MAD1L1: variants seen among roughly 807,000 people sequenced by gnomAD.
MAD1L1 encodes mitotic spindle assembly checkpoint protein MAD1.
Under a neutral mutation model 96.9 loss-of-function variants are expected in MAD1L1, and 95 were observed. The ratio of observed to expected loss-of-function variants is 0.98; its 90% CI spans 0.83 to 1.16. MAD1L1 has a LOEUF of 1.16. Among genes scored for constraint, MAD1L1 ranks in the 50% most tolerant of loss-of-function variants. The pLI is 0.00. For missense variants in MAD1L1, 1,007 were observed against 954.4 expected (o/e 1.06, Z -0.73); for synonymous variants, 473 against 396.6 (o/e 1.19, Z -2.29).
intron 10 of MAD1L1, among the ~76,000 whole-genome samples, chr7:2,167,053 C>T (rs1031278585): frequency 3.9e-5 from 6 of 152,174 alleles, no homozygotes; most frequent in South Asian, 2.1e-4. Context: ...CAGGTGAGCT[C>T]GAAACCCTAA....
intron 18 of MAD1L1, among the ~76,000 whole-genome samples, chr7:1,820,275 C>T (rs867860578): frequency 6.6e-6 from 1 of 152,100 alleles, no homozygotes; most frequent in Non-Finnish European, 1.5e-5. Context: ...CAGACGCACC[C>T]AAGGCAGTGC....
At chr7:1,939,150 G>C (rs1247643046) in intron 16 of MAD1L1, among the ~76,000 whole-genome samples, 3 of 125,696 alleles carry the variant, frequency 2.4e-5, no homozygotes, top group Non-Finnish European at 4.8e-5. Context: ...GCCGGGACCA[G>C]AGGCGCACAC....
chr7:1,818,044 A>T (rs2128618613), intron 18 of MAD1L1, among the ~76,000 whole-genome samples: 1 of 152,108 alleles, frequency 6.6e-6, no homozygotes, highest in African/African-American at 2.4e-5. Context: ...AGTTCAACAC[A>T]AACCATTTTT....
chr7:2,131,534 C>T (rs981760657), intron 11 of MAD1L1, among the ~76,000 whole-genome samples: 4 of 152,214 alleles, frequency 2.6e-5, no homozygotes, highest in South Asian at 4.1e-4. Flanking sequence ...TGTTCCCCGA[C>T]GAGCTTGTCA....
At chr7:2,034,713 G>A (rs778410159) in intron 12 of MAD1L1, among the ~76,000 whole-genome samples, 2 of 152,230 alleles carry the variant, frequency 1.3e-5, no homozygotes. Flanking sequence ...GTGGGTGTCC[G>A]TGAGTGCTTA....
At chr7:2,003,962 C>T (rs1781916939) in intron 13 of MAD1L1, among the ~76,000 whole-genome samples, 2 of 152,314 alleles carry the variant, frequency 1.3e-5, no homozygotes, top group South Asian at 4.1e-4. Flanking sequence ...GAGGGACATC[C>T]CCCAAACTGG....
intron 11 of MAD1L1, among the ~76,000 whole-genome samples, chr7:2,122,584 A>G: frequency 6.6e-6 from 1 of 152,060 alleles, no homozygotes; most frequent in East Asian, 1.9e-4. Flanking sequence ...CCTGGGCGAC[A>G]GAGCGAGACT....
At chr7:1,838,658 C>T (rs1353732091) in intron 18 of MAD1L1, 4 of 428,298 alleles carry the variant, frequency 9.3e-6, no homozygotes, top group East Asian at 7.3e-5. Context: ...CAGCGGCTGC[C>T]GACGGCTGGG....
intron 16 of MAD1L1, among the ~76,000 whole-genome samples, chr7:1,954,648 TTC>T (rs1779646257): frequency 6.6e-6 from 1 of 152,120 alleles, no homozygotes; most frequent in Non-Finnish European, 1.5e-5. Context: ...TCCGCCCGAT[TTC>T]TGTCTTCACT....
chr7:2,061,206 G>T (rs935785382), intron 12 of MAD1L1, among the ~76,000 whole-genome samples: 2 of 152,138 alleles, frequency 1.3e-5, no homozygotes, highest in Admixed American at 6.5e-5. Context: ...GCGTGCTGGC[G>T]CGTGCCTGTA....
intron 18 of MAD1L1, chr7:1,845,541 ACG>A (rs1783562305): frequency 2.9e-5 from 2 of 68,962 alleles, no homozygotes; most frequent in African/African-American, 5.4e-5. Flanking sequence ...CCACGCAGAC[ACG>A]CGTCCGGCTC....
rs369529220 is a variant in MAD1L1, at chr7:1,882,476, G to A, written c.1998+15724C>T. On this transcript the variant is annotated intron_variant, in intron 18 of 18. Transcript: ENST00000265854. ...TGGCCTTGCCTGCCTGTCAGGGAGG[G>A]AGGGAAGGGGTGAGGGGCGCGCGGG... Among the ~76,000 whole-genome samples, 3 of 152,340 alleles carry A rather than the reference G, an allele frequency of 2.0e-5. No individual in the cohort carries two copies. The East Asian group carries it at 5.8e-4, about 29-fold the overall frequency.
At chr7:2,151,671 C>T (rs1246436839) in intron 10 of MAD1L1, among the ~76,000 whole-genome samples, 1 of 152,238 alleles carries the variant, frequency 6.6e-6, no homozygotes, top group Non-Finnish European at 1.5e-5. Context: ...TCTCAGAGGG[C>T]CAGGCTCTGC....
chr7:1,871,853 G>A (rs1583615358), intron 18 of MAD1L1, among the ~76,000 whole-genome samples: 2 of 152,230 alleles, frequency 1.3e-5, no homozygotes, highest in African/African-American at 4.8e-5. Flanking sequence ...CAGAGGAGAT[G>A]TGGAGGGGAC....
intron 12 of MAD1L1, among the ~76,000 whole-genome samples, chr7:2,017,911 C>T (rs1782615850): frequency 6.6e-6 from 1 of 152,058 alleles, no homozygotes; most frequent in South Asian, 2.1e-4. Context: ...GGGCACAGCC[C>T]TTGGGCCTGG....
intron 18 of MAD1L1, among the ~76,000 whole-genome samples, chr7:1,897,166 A>G (rs923197466): frequency 1.3e-5 from 1 of 79,288 alleles, no homozygotes; most frequent in Non-Finnish European, 2.3e-5. Flanking sequence ...AGCCGGGCTA[A>G]GGCTGAATCA....
At chr7:2,036,391 T>C (rs1454079923) in intron 12 of MAD1L1, among the ~76,000 whole-genome samples, 1 of 152,148 alleles carries the variant, frequency 6.6e-6, no homozygotes, top group Non-Finnish European at 1.5e-5. Flanking sequence ...GGGAGGACGA[T>C]GCATTCCTGC....
intron 16 of MAD1L1, among the ~76,000 whole-genome samples, chr7:1,951,873 G>A (rs1350957377): frequency 1.3e-5 from 2 of 152,166 alleles, no homozygotes; most frequent in Admixed American, 1.3e-4. Context: ...TCACCTCTGG[G>A]CTACCGTGAG....
intron 11 of MAD1L1, among the ~76,000 whole-genome samples, chr7:2,087,731 T>C (rs2128542984): frequency 6.6e-6 from 1 of 152,112 alleles, no homozygotes; most frequent in African/African-American, 2.4e-5. Context: ...TCCTCTTTGT[T>C]GTAAAAGGAA....
Sources: allele counts gnomAD v4.1 joint callset (sites outside exome capture counted in the v4.1 genomes callset), GRCh38; gene constraint gnomAD v4.1.1; transcripts MANE v1.5; gene names NCBI Gene and HGNC (gene_info 2026-07-23, HGNC 2026-07-21).